HIP1: variants seen among roughly 807,000 people sequenced by gnomAD.
HIP1 encodes the protein huntingtin interacting protein 1, also known as huntingtin-interacting protein 1.
In HIP1, 65 loss-of-function variants were observed where a neutral mutation model predicts 147.6. The observed-to-expected ratio is 0.44, with a 90% CI of 0.36 to 0.54. HIP1 has a LOEUF of 0.54. Ranked by LOEUF, HIP1 falls within the 20% of genes least tolerant of loss-of-function variation. The pLI, the probability that HIP1 is intolerant of heterozygous loss-of-function variation, is 0.00. For missense variants in HIP1, 1,061 were observed against 1,299.6 expected (o/e 0.82, Z 2.82); for synonymous variants, 479 against 504.0 (o/e 0.95, Z 0.67).
At position 75,562,162 on chromosome 7, in the gene HIP1, A is replaced by T; in HGVS notation, c.1029T>A (p.Phe343Leu). The T allele has an allele frequency of 6.2e-7, 1 of 1,612,418 alleles. No homozygotes were observed. The highest frequency in any genetic ancestry group is 1.1e-5 in the South Asian group (1 of 91,048). The change falls in exon 12 of 31, where the codon TTT becomes TTA. Residue 343 changes from phenylalanine (F) to leucine (L), a missense_variant. Transcript: ENST00000336926. Reference protein sequence around the residue: ...MDMDASQQNLFDNKFDDIFGS... With the variant: ...MDMDASQQNLLDNKFDDIFGS... Reference sequence around the variant, plus strand: ...CAAAGATGTCATCAAACTTGTTGTCAAATAAATTCTGTGGTTGACCAAAAA... The same window carrying T: ...CAAAGATGTCATCAAACTTGTTGTCTAATAAATTCTGTGGTTGACCAAAAA...
intron 27 of HIP1, among the ~76,000 whole-genome samples, chr7:75,544,115 T>G (rs1429847537): frequency 2.1e-5 from 3 of 140,232 alleles, no homozygotes; most frequent in African/African-American, 8.1e-5. Context: ...GAGGTTGCAG[T>G]GAGCTGAGAT....
chr7:75,551,769 T>C (rs1554492194), intron 22 of HIP1, among the ~76,000 whole-genome samples: 1 of 151,836 alleles, frequency 6.6e-6, no homozygotes, highest in Non-Finnish European at 1.5e-5. Flanking sequence ...AGGGCGCCAC[T>C]AAGTTGCCCA....
chr7:75,726,284 A>ATTTT (rs60658791), intron 1 of HIP1, among the ~76,000 whole-genome samples: 3 of 147,434 alleles, frequency 2.0e-5, no homozygotes, highest in African/African-American at 2.5e-5. Context: ...GTGCCTGGGC[A>ATTTT]TTTTTTTTTT....
intron 1 of HIP1, among the ~76,000 whole-genome samples, chr7:75,682,072 AG>A (rs1285123212): frequency 6.0e-5 from 7 of 115,976 alleles, no homozygotes; most frequent in Non-Finnish European, 9.8e-5. Context: ...TCTGTCACCC[AG>A]GCTGGAGTGC....
chr7:75,564,357 C>T (rs141700670), intron 9 of HIP1, among the ~76,000 whole-genome samples: 24 of 150,438 alleles, frequency 1.6e-4, no homozygotes, highest in African/African-American at 4.4e-4. Flanking sequence ...TGCAATGGCG[C>T]GATCTCGGCT....
chr7:75,545,216 A>G (rs1383437942), intron 25 of HIP1, 28 bp from the exon 26 acceptor site: 1 of 1,321,590 alleles, frequency 7.6e-7, no homozygotes, highest in Non-Finnish European at 1.1e-6. Context: ...AGTAATAGCC[A>G]CCTTTTATTG....
intron 1 of HIP1, among the ~76,000 whole-genome samples, chr7:75,734,534 A>G (rs1307617315): frequency 6.6e-6 from 1 of 152,122 alleles, no homozygotes; most frequent in African/African-American, 2.4e-5. Context: ...TGCTGACCCC[A>G]TTCACCACTA....
chr7:75,663,591 A>G (rs1799383290), intron 1 of HIP1, among the ~76,000 whole-genome samples: 1 of 151,882 alleles, frequency 6.6e-6, no homozygotes, highest in Non-Finnish European at 1.5e-5. Flanking sequence ...CTGTGCAGGG[A>G]CAGCTCTGAG....
intron 1 of HIP1, among the ~76,000 whole-genome samples, chr7:75,686,552 G>T (rs1800267269): frequency 6.6e-6 from 1 of 152,146 alleles, no homozygotes; most frequent in African/African-American, 2.4e-5. Context: ...AGCTTATTTG[G>T]TATTTGGGAA....
intron 1 of HIP1, among the ~76,000 whole-genome samples, chr7:75,641,225 G>A (rs1203835981): frequency 1.3e-5 from 2 of 152,064 alleles, no homozygotes; most frequent in Non-Finnish European, 2.9e-5. Context: ...AGAATCGCTT[G>A]AGCATGGGAG....
In HIP1 at chr7:75,676,089, C is replaced by G. The variant is rs540460350; in HGVS notation, c.120+62712G>C. On this transcript the variant is annotated intron_variant, in intron 1 of 30. Transcript: ENST00000336926. The stretch of plus-strand genomic sequence containing the variant: ...TGCTGGAAGTCAGATTCTGCTCCCC[C>G]CTCTGTAGGGTTTGTTCTTGTTGCT... 6.6e-5 allele frequency among the ~76,000 whole-genome samples: 10 copies of G among 152,256 alleles called. No individual in the cohort carries two copies. In the South Asian group the frequency reaches 8.3e-4, roughly 13 times the overall value.
At chr7:75,566,982 G>A (rs1471595198) in intron 9 of HIP1, among the ~76,000 whole-genome samples, 1 of 150,806 alleles carries the variant, frequency 6.6e-6, no homozygotes, top group Admixed American at 6.6e-5. Context: ...CATGGTGGTG[G>A]GCGCCTGTAA....
At chr7:75,601,618 A>AC (rs1326274893) in intron 1 of HIP1, among the ~76,000 whole-genome samples, 1 of 106,372 alleles carries the variant, frequency 9.4e-6, no homozygotes, top group Non-Finnish European at 2.3e-5. Context: ...AACAACAACA[A>AC]AAAAAAAAAG....
At chr7:75,634,941 GAAAAA>G (rs58461422) in intron 1 of HIP1, among the ~76,000 whole-genome samples, 720 of 62,512 alleles carry the variant, frequency 0.012, 5 homozygotes, top group African/African-American at 0.039. Flanking sequence ...CACTATCTCT[GAAAAA>G]AAAAAAAAAA....
rs1429436803 is a variant in HIP1 at position 75,545,439 on chromosome 7, CA to C, written c.2560-252del. Reference sequence around the variant, plus strand: ...GGTGGATCACTTGAGGTCAGGAGTTCAAGACCAGCTTGGGCAACATGGTGAA... The same window carrying C: ...GGTGGATCACTTGAGGTCAGGAGTTCAGACCAGCTTGGGCAACATGGTGAA... On this transcript the variant is annotated intron_variant, in intron 25 of 30. Coordinates refer to ENST00000336926, the MANE Select transcript of HIP1 (RefSeq NM_005338.7). Among the ~76,000 whole-genome samples, 3 of 150,728 alleles carry C rather than the reference CA, an allele frequency of 2.0e-5. No homozygotes were observed. In the East Asian group the frequency reaches 6.0e-4, roughly 30 times the overall value.
At chr7:75,690,452 A>T (rs1389285244) in intron 1 of HIP1, among the ~76,000 whole-genome samples, 1 of 152,248 alleles carries the variant, frequency 6.6e-6, no homozygotes, top group African/African-American at 2.4e-5. Context: ...TATAATTTTT[A>T]AAAACAGAAA....
chr7:75,727,944 T>C (rs1801706866), intron 1 of HIP1, among the ~76,000 whole-genome samples: 2 of 151,586 alleles, frequency 1.3e-5, no homozygotes, highest in African/African-American at 4.9e-5. Context: ...TAAAGGGAGA[T>C]ACAGAAAGAA....
rs552645232 is a variant in HIP1, at chr7:75,674,579, G to A, written c.120+64222C>T. On this transcript the variant is annotated intron_variant, in intron 1 of 30. Transcript: ENST00000336926. ...ACAATCTCGGCTCACTGAAAGCTAC[G>A]CCTCCTGGGTTCATGCCATTCTCCT... Among the ~76,000 whole-genome samples the A allele has an allele frequency of 9.3e-5, 14 of 151,184 alleles. No individual in the cohort carries two copies. The South Asian group carries it at 2.3e-3, about 25-fold the overall frequency.
rs879955219 is a variant in HIP1, at chr7:75,541,107, T to TAA, written c.2952+810_2952+811dup. Among the ~76,000 whole-genome samples, 4 of 141,416 alleles carry TAA rather than the reference T, an allele frequency of 2.8e-5. No homozygotes were observed. The East Asian group carries it at 6.4e-4, about 23-fold the overall frequency. 92.8% of individuals were successfully genotyped at this position (141,416 alleles called of 152,430 possible). A position where few individuals can be genotyped will look rare whatever the true frequency, so the allele number is the denominator to read the frequency against. ...AGTAAGACCCCGTCTCTATCTTATT[T>TAA]AAAAAAAAAAAAGGGCCGGTGGCTC... On this transcript the variant is annotated intron_variant, in intron 29 of 30. Transcript: ENST00000336926.
Sources: allele counts gnomAD v4.1 joint callset (sites outside exome capture counted in the v4.1 genomes callset), GRCh38; gene constraint gnomAD v4.1.1; transcripts MANE v1.5; gene names NCBI Gene and HGNC (gene_info 2026-07-23, HGNC 2026-07-21).